Variants in CCSER1 observed in about 807,000 individuals in gnomAD.
The protein encoded by CCSER1 is coiled-coil serine rich protein 1.
Under a neutral mutation model 82.0 loss-of-function variants are expected in CCSER1, and 41 were observed. The observed-to-expected ratio is 0.50, with a 90% CI of 0.39 to 0.65. The LOEUF is 0.65. Among genes scored for constraint, CCSER1 ranks in the 30% least tolerant of loss-of-function variants. The pLI is 0.00. For synonymous variants in CCSER1, 414 were observed against 383.9 expected (o/e 1.08, Z -0.92); for missense variants, 1,119 against 1,064.2 (o/e 1.05, Z -0.72).
At chr4:90,229,438 C>T (rs527295671) in intron 1 of CCSER1, among the ~76,000 whole-genome samples, 65 of 152,084 alleles carry the variant, frequency 4.3e-4, no homozygotes, top group Admixed American at 1.2e-3. Context: ...TTTGTCACCA[C>T]GAGGCCTGCC....
At chr4:90,852,473 T>C (rs1763995921) in intron 8 of CCSER1, among the ~76,000 whole-genome samples, 1 of 152,188 alleles carries the variant, frequency 6.6e-6, no homozygotes, top group Non-Finnish European at 1.5e-5. Flanking sequence ...CTGCAAGCCA[T>C]GGTGCTGCAG....
In CCSER1 at chr4:90,909,232, T is replaced by C. The variant is rs147156242; in HGVS notation, c.2095-14138T>C. Among the ~76,000 whole-genome samples, 15 of 152,338 alleles carry C rather than the reference T, an allele frequency of 9.8e-5. 1 individual carries two copies. The highest frequency in any genetic ancestry group is 3.4e-4 in the African/African-American group (14 of 41,572). On this transcript the variant is annotated intron_variant, in intron 8 of 10. Transcript: ENST00000509176. ...AAGAACACTTGTCTTATTTGATTTG[T>C]GGCCAATCCTTATCAAGTATAATCT...
intron 9 of CCSER1, among the ~76,000 whole-genome samples, chr4:91,042,919 A>G (rs1489444944): frequency 6.6e-6 from 1 of 152,146 alleles, no homozygotes; most frequent in Non-Finnish European, 1.5e-5. Context: ...CAAAATGAAA[A>G]CCAAACCATC....
At chr4:90,985,137 T>A (rs542354016) in intron 9 of CCSER1, among the ~76,000 whole-genome samples, 1 of 151,850 alleles carries the variant, frequency 6.6e-6, no homozygotes, top group African/African-American at 2.4e-5. Flanking sequence ...CACCAAAAAA[T>A]TATTTTAAAT....
intron 5 of CCSER1, among the ~76,000 whole-genome samples, chr4:90,523,801 T>C (rs1208516340): frequency 6.6e-6 from 1 of 152,084 alleles, no homozygotes; most frequent in African/African-American, 2.4e-5. Flanking sequence ...TGTGGAAGAA[T>C]TGAGAAGAAA....
chr4:90,818,000 A>G (rs1759240946), intron 8 of CCSER1, among the ~76,000 whole-genome samples: 1 of 152,156 alleles, frequency 6.6e-6, no homozygotes, highest in African/African-American at 2.4e-5. Flanking sequence ...AATCTTTAAT[A>G]ATTTAGAACT....
chr4:90,664,780 A>G (rs1348919582), intron 6 of CCSER1, among the ~76,000 whole-genome samples: 1 of 152,122 alleles, frequency 6.6e-6, no homozygotes, highest in Non-Finnish European at 1.5e-5. Context: ...CATGCCTGTA[A>G]TCCCAGTGAC....
intron 9 of CCSER1, among the ~76,000 whole-genome samples, chr4:90,941,303 G>A (rs1026590): frequency 0.76 from 116,196 of 151,898 alleles, 44,970 homozygotes; most frequent in African/African-American, 0.86. Context: ...ACTTATCATT[G>A]TCTGTTAAGT....
intron 4 of CCSER1, among the ~76,000 whole-genome samples, chr4:90,412,707 T>C (rs9307085): frequency 0.17 from 25,122 of 152,052 alleles, 3,477 homozygotes; most frequent in African/African-American, 0.39. Flanking sequence ...AATCCAGCAT[T>C]GCTTTATGAT....
intron 9 of CCSER1, among the ~76,000 whole-genome samples, chr4:91,053,138 T>C (rs1743151351): frequency 6.6e-6 from 1 of 152,194 alleles, no homozygotes; most frequent in Non-Finnish European, 1.5e-5. Context: ...AAAATGTCCT[T>C]GAAAAAACCA....
At chr4:91,498,075 T>G (rs1279518240) in intron 10 of CCSER1, among the ~76,000 whole-genome samples, 2 of 151,972 alleles carry the variant, frequency 1.3e-5, no homozygotes, top group Non-Finnish European at 2.9e-5. Context: ...CGGCCCTTGA[T>G]ATTGAGAAAT....
chr4:90,690,334 C>T (rs568645713), intron 6 of CCSER1, among the ~76,000 whole-genome samples: 126 of 152,052 alleles, frequency 8.3e-4, no homozygotes, highest in Non-Finnish European at 1.4e-3. Flanking sequence ...TGCTTGCTAC[C>T]ATAAACTAAG....
At chr4:90,531,944 T>C (rs1026665261) in intron 5 of CCSER1, among the ~76,000 whole-genome samples, 2 of 152,130 alleles carry the variant, frequency 1.3e-5, no homozygotes, top group South Asian at 2.1e-4. Context: ...CTTGGTTAGA[T>C]TGGAAAGGTG....
chr4:90,418,378 T>C (rs1237155111), intron 4 of CCSER1, among the ~76,000 whole-genome samples: 3 of 152,086 alleles, frequency 2.0e-5, no homozygotes, highest in African/African-American at 7.2e-5. Flanking sequence ...TTTTTAAATA[T>C]AGAATTTCTC....
At chr4:90,928,777 C>T (rs1363109668) in intron 9 of CCSER1, among the ~76,000 whole-genome samples, 1 of 152,010 alleles carries the variant, frequency 6.6e-6, no homozygotes, top group Non-Finnish European at 1.5e-5. Context: ...GACGTCCCTT[C>T]AGTCAGTAAG....
chr4:90,852,509 A>T (rs1423169015), intron 8 of CCSER1, among the ~76,000 whole-genome samples: 9 of 152,232 alleles, frequency 5.9e-5, no homozygotes, highest in Non-Finnish European at 1.2e-4. Flanking sequence ...GAAGCTGCTC[A>T]CACTCTGAGT....
At chr4:90,461,424 A>G (rs891445788) in intron 4 of CCSER1, among the ~76,000 whole-genome samples, 2 of 152,180 alleles carry the variant, frequency 1.3e-5, no homozygotes, top group African/African-American at 4.8e-5. Flanking sequence ...AATGATCGGT[A>G]TCAATTCCCA....
At chr4:90,363,883 T>C (rs1745822295) in intron 3 of CCSER1, among the ~76,000 whole-genome samples, 1 of 152,092 alleles carries the variant, frequency 6.6e-6, no homozygotes, top group African/African-American at 2.4e-5. Context: ...TGCAAAAAGA[T>C]GGGATTATAT....
chr4:90,448,515 G>A (rs1200144907), intron 4 of CCSER1, among the ~76,000 whole-genome samples: 2 of 126,718 alleles, frequency 1.6e-5, no homozygotes, highest in Non-Finnish European at 3.3e-5. Flanking sequence ...TTCTACTTCT[G>A]TAGTATTAAG....
Sources: gnomAD v4.1 joint callset for allele counts (sites outside exome capture counted in the v4.1 genomes callset) on GRCh38, gnomAD v4.1.1 for gene constraint, MANE v1.5 for transcripts, NCBI Gene and HGNC (gene_info 2026-07-23, HGNC 2026-07-21) for gene names.